ABCA13: variants seen among roughly 807,000 people sequenced by gnomAD.
The protein encoded by ABCA13 is ATP-binding cassette sub-family A member 13.
In ABCA13, 476 loss-of-function variants were observed where a neutral mutation model predicts 478.7. The observed-to-expected ratio is 0.99, with a 90% CI of 0.92 to 1.07. The LOEUF (loss-of-function observed/expected upper bound fraction) is 1.07, where lower values mean the gene tolerates loss of function less well. ABCA13 is among the 50% of genes least tolerant of loss of function. The probability of loss-of-function intolerance (pLI) is 0.00; values close to 1 mark genes in which losing one functional copy is unlikely to be tolerated. For synonymous variants in ABCA13, 2,252 were observed against 2,158.9 expected (o/e 1.04, Z -1.20); for missense variants, 6,060 against 5,910.6 (o/e 1.03, Z -0.83).
intron 58 of ABCA13, among the ~76,000 whole-genome samples, chr7:48,602,337 T>C (rs1184004305): frequency 2.0e-5 from 3 of 152,204 alleles, no homozygotes; most frequent in African/African-American, 7.2e-5. Context: ...GGTTTTCTTC[T>C]AGGGTTTTTA....
chr7:48,251,960 T>G lies in ABCA13; in HGVS notation c.2005+2609T>G, dbSNP rs538892137. On this transcript the variant is annotated intron_variant, in intron 15 of 61. Coordinates refer to ENST00000435803, the MANE Select transcript of ABCA13 (RefSeq NM_152701.5). ...TTTGCTGCTTTTAAGATTCTCACTT[T>G]GTCTTTGACTTTCAATAGTTTCATT... Among the ~76,000 whole-genome samples the G allele has an allele frequency of 3.3e-5, 5 of 152,282 alleles. No individual in the cohort carries two copies. In the Middle Eastern group the frequency reaches 0.01, roughly 311 times the overall value.
chr7:48,249,874 G>A (rs1053434197), intron 15 of ABCA13, among the ~76,000 whole-genome samples: 1 of 151,514 alleles, frequency 6.6e-6, no homozygotes, highest in South Asian at 2.1e-4. Flanking sequence ...ACACTAACTG[G>A]GTGTCCTACA....
Position 48,249,236 on chromosome 7 carries a change from A to G in ABCA13, c.1890A>G (p.Thr630=). The change falls in exon 15 of 62, where the codon ACA becomes ACG. Residue 630 remains threonine, a synonymous_variant. Coordinates refer to ENST00000435803, the MANE Select transcript of ABCA13 (RefSeq NM_152701.5). ...GGATATTTCATACACTTGAAAAAAC[A>G]CAATTTTTCCTGGAACAAGCATATT... ...STVIFHTLEK[T]QFFLEQAYYW... 2 of 1,612,208 alleles carry G rather than the reference A, an allele frequency of 1.2e-6. No homozygotes were observed. The highest frequency in any genetic ancestry group is 1.7e-6 in the Non-Finnish European group (2 of 1,178,992).
intron 56 of ABCA13, 131 bp from the exon 57 acceptor site, chr7:48,587,023 A>T (rs1789252606): frequency 8.3e-7 from 1 of 1,202,720 alleles, no homozygotes; most frequent in Non-Finnish European, 1.2e-6. Context: ...GTTTCAGGAG[A>T]TGTACTTGAT....
Position 48,576,226 on chromosome 7 carries a change from T to G in ABCA13, c.14355-3998T>G, listed in dbSNP as rs568928964. ...CATGGATATAGAAAAACGACTGTAC[T>G]AGAAGGAAGCCCAGGACTGTGAATC... On this transcript the variant is annotated intron_variant, in intron 55 of 61. Coordinates refer to ENST00000435803, the MANE Select transcript of ABCA13 (RefSeq NM_152701.5). 3.3e-5 allele frequency among the ~76,000 whole-genome samples: 5 copies of G among 152,150 alleles called. No individual in the cohort carries two copies. The South Asian group carries it at 1.0e-3, about 32-fold the overall frequency.
chr7:48,606,411 C>T lies in ABCA13; in HGVS notation c.14745-8874C>T, dbSNP rs556765827. On this transcript the variant is annotated intron_variant, in intron 58 of 61. Transcript: ENST00000435803. ...CAGATGTGGTCTCTGAGTGGGCGTC[C>T]TTTTTGTTGATGTTGATACTATTCC... Among the ~76,000 whole-genome samples, 252 of 152,204 alleles carry T rather than the reference C, an allele frequency of 1.7e-3. 2 individuals are homozygous for T. Among genetic ancestry groups the T allele is most frequent in the African/African-American group, 5.9e-3 (244 of 41,540 alleles).
chr7:48,231,553 G>C (rs1457556167), intron 7 of ABCA13, among the ~76,000 whole-genome samples: 2 of 152,174 alleles, frequency 1.3e-5, no homozygotes, highest in Non-Finnish European at 2.9e-5. Flanking sequence ...GACACTCCTG[G>C]GCCGGTGTGA....
intron 45 of ABCA13, among the ~76,000 whole-genome samples, chr7:48,478,948 CT>C (rs71227263): frequency 0.2 from 27,097 of 134,296 alleles, 2,541 homozygotes; most frequent in Non-Finnish European, 0.25. Flanking sequence ...AAAATCTACT[CT>C]TTTTTTTTTT....
intron 23 of ABCA13, among the ~76,000 whole-genome samples, chr7:48,308,522 C>T (rs1290340236): frequency 1.3e-5 from 2 of 152,090 alleles, no homozygotes; most frequent in Non-Finnish European, 2.9e-5. Flanking sequence ...TTTGTTTACA[C>T]CGGCACTGCC....
At position 48,278,085 on chromosome 7, in the gene ABCA13, TA is replaced by T. The variant is rs375425616; in HGVS notation, c.6900-8del. 1,550 of 1,033,632 alleles carry T rather than the reference TA, an allele frequency of 1.5e-3. No homozygotes were observed. The highest frequency in any genetic ancestry group is 2.8e-3 in the Middle Eastern group (9 of 3,262). The allele number at this position is 1,033,632 out of a possible 1,614,324, so 64.0% of individuals were successfully genotyped here. A position where few individuals can be genotyped will look rare whatever the true frequency, so the allele number is the denominator to read the frequency against. On this transcript the variant is annotated splice_polypyrimidine_tract_variant and splice_region_variant and intron_variant, in intron 17 of 61. Coordinates refer to ENST00000435803, the MANE Select transcript of ABCA13 (RefSeq NM_152701.5). ...TAAATTAAAAGTATATATATATATA[TA>T]TTTACAGTTTTGTCCCAAAAGATAA...
At chr7:48,396,445 G>T (rs1816844909) in intron 38 of ABCA13, among the ~76,000 whole-genome samples, 1 of 152,168 alleles carries the variant, frequency 6.6e-6, no homozygotes, top group Non-Finnish European at 1.5e-5. Context: ...CCTGGGATAT[G>T]GGCAGAGGCT....
intron 58 of ABCA13, among the ~76,000 whole-genome samples, chr7:48,614,724 T>C (rs1792377832): frequency 6.6e-6 from 1 of 150,514 alleles, no homozygotes; most frequent in Non-Finnish European, 1.5e-5. Context: ...GATGAGTTCA[T>C]GTCCTTTGTA....
At chr7:48,411,022 T>TC in intron 40 of ABCA13, among the ~76,000 whole-genome samples, 1 of 119,356 alleles carries the variant, frequency 8.4e-6, no homozygotes, top group South Asian at 2.4e-4. Context: ...TTTCTTTCTT[T>TC]CTTTCTTTCT....
chr7:48,466,471 A>G (rs1017786891), intron 43 of ABCA13, among the ~76,000 whole-genome samples: 3 of 152,246 alleles, frequency 2.0e-5, no homozygotes, highest in Admixed American at 2.0e-4. Context: ...TAGCTCACAT[A>G]TAGAAACCAA....
intron 58 of ABCA13, among the ~76,000 whole-genome samples, chr7:48,608,871 A>G (rs1296777525): frequency 6.6e-6 from 1 of 152,212 alleles, no homozygotes; most frequent in African/African-American, 2.4e-5. Flanking sequence ...AATTTTGTCC[A>G]GATTCATCAT....
intron 2 of ABCA13, 141 bp downstream of exon 2, chr7:48,193,193 T>A: frequency 1.5e-6 from 1 of 660,082 alleles, no homozygotes; most frequent in Non-Finnish European, 2.5e-6. Flanking sequence ...ACAACATATC[T>A]GGAGTATATG....
intron 59 of ABCA13, among the ~76,000 whole-genome samples, chr7:48,642,026 A>G (rs910595785): frequency 1.3e-5 from 2 of 152,202 alleles, no homozygotes; most frequent in Admixed American, 6.5e-5. Context: ...GCATGTCCGT[A>G]TGCTTTTATG....
intron 31 of ABCA13, among the ~76,000 whole-genome samples, chr7:48,355,643 C>T (rs1809778349): frequency 6.6e-6 from 1 of 151,860 alleles, no homozygotes; most frequent in African/African-American, 2.4e-5. Context: ...GTGGCTTGGT[C>T]CAGTGTGGTA....
At chr7:48,198,725 TG>T (rs1438801714) in intron 3 of ABCA13, among the ~76,000 whole-genome samples, 3 of 152,242 alleles carry the variant, frequency 2.0e-5, no homozygotes, top group African/African-American at 7.2e-5. Flanking sequence ...AGCTACCTAC[TG>T]GGTTTTTTCT....
Sources: gnomAD v4.1 joint callset for allele counts (sites outside exome capture counted in the v4.1 genomes callset) on GRCh38, gnomAD v4.1.1 for gene constraint, MANE v1.5 for transcripts, NCBI Gene and HGNC (gene_info 2026-07-23, HGNC 2026-07-21) for gene names.